The following VWF variants were observed in gnomAD, a reference collection of about 807,000 sequenced individuals.
The protein encoded by VWF is von Willebrand factor, also known as Factor VIII related antigen.
A neutral mutation model predicts 308.6 loss-of-function variants in VWF; 176 were observed. That is an observed-to-expected ratio of 0.57 (90% CI 0.50 to 0.65). The LOEUF is 0.65. Ranked by LOEUF, VWF falls within the 30% of genes least tolerant of loss-of-function variation. VWF has a pLI of 0.00. For synonymous variants in VWF, 1,385 were observed against 1,443.4 expected (o/e 0.96, Z 0.92); for missense variants, 3,146 against 3,648.2 (o/e 0.86, Z 3.55).
rs548527763 is a variant in VWF, at chr12:6,085,461, G to A, written c.658-9910C>T. ...AACATCTCAGTGAATATGCACTTATGGGCACCATCAGATTCTTGTCCATTC... is the reference window on the plus strand; with the variant it reads ...AACATCTCAGTGAATATGCACTTATAGGCACCATCAGATTCTTGTCCATTC... On this transcript the variant is annotated intron_variant, in intron 6 of 51. Coordinates refer to ENST00000261405, the MANE Select transcript of VWF (RefSeq NM_000552.5). Among the ~76,000 whole-genome samples the A allele has an allele frequency of 2.4e-4, 36 of 152,212 alleles. 1 individual carries two copies. In the South Asian group the frequency reaches 6.6e-3, roughly 28 times the overall value.
chr12:6,084,122 C>T (rs755392556), intron 6 of VWF, among the ~76,000 whole-genome samples: 2 of 152,222 alleles, frequency 1.3e-5, no homozygotes, highest in Non-Finnish European at 2.9e-5. Flanking sequence ...TCCTAACTGA[C>T]ACAGACAGCA....
intron 23 of VWF, 64 bp downstream of exon 23, chr12:6,025,842 G>C: frequency 6.2e-7 from 1 of 1,612,488 alleles, no homozygotes; most frequent in Non-Finnish European, 8.5e-7. Flanking sequence ...CATGACAATG[G>C]GGACAGAGGG....
Position 5,966,137 on chromosome 12 carries a change from T to A in VWF, c.7887+1349A>T, listed in dbSNP as rs563034574. 3.9e-5 allele frequency among the ~76,000 whole-genome samples: 6 copies of A among 151,944 alleles called. 1 individual carries two copies. Among genetic ancestry groups the A allele is most frequent in the Admixed American group, 3.9e-4 (6 of 15,276 alleles). ...CCGTCTCCACAGGCTGGCATTGAGG[T>A]GGGCGGCCTGCTGTCTCCTGACTGC... On this transcript the variant is annotated intron_variant, in intron 47 of 51. Coordinates refer to ENST00000261405, the MANE Select transcript of VWF (RefSeq NM_000552.5).
Position 6,121,319 on chromosome 12 carries a change from T to C in VWF, c.75A>G (p.Gly25=). The C allele has an allele frequency of 6.2e-7, 1 of 1,614,140 alleles. No individual in the cohort carries two copies. Among genetic ancestry groups the C allele is most frequent in the Non-Finnish European group, 8.5e-7 (1 of 1,180,022 alleles). ...GGGCCGTGGATGACCTGCCGCGAGT[T>C]CCTTCTGCACAAAGGGTCCCTGGAG... ...LILPGTLCAE[G]TRGRSSTARC... Residue 25 remains glycine (G), a synonymous_variant, in exon 3 of 52, where the codon GGA becomes GGG. Transcript: ENST00000261405.
intron 5 of VWF, among the ~76,000 whole-genome samples, chr12:6,109,708 C>T (rs1412341711): frequency 2.6e-5 from 4 of 151,914 alleles, no homozygotes; most frequent in East Asian, 1.9e-4. Context: ...TGGAGTGAAG[C>T]GGCACGATCA....
At chr12:5,998,323 CCCAA>C in intron 34 of VWF, among the ~76,000 whole-genome samples, 2 of 150,632 alleles carry the variant, frequency 1.3e-5, no homozygotes, top group Non-Finnish European at 3.0e-5. Flanking sequence ...ATGGTGAAAC[CCCAA>C]CTCTACTAAA....
intron 34 of VWF, among the ~76,000 whole-genome samples, chr12:6,004,049 C>T (rs1249021457): frequency 1.3e-5 from 2 of 151,896 alleles, no homozygotes; most frequent in Admixed American, 1.3e-4. Context: ...AATCTCCTGA[C>T]CTCATTCATG....
chr12:6,011,104 C>G (rs1943988131), intron 34 of VWF, among the ~76,000 whole-genome samples: 1 of 152,158 alleles, frequency 6.6e-6, no homozygotes, highest in African/African-American at 2.4e-5. Context: ...AGTCATTGCT[C>G]CCAAACATGA....
chr12:6,117,810 C>T (rs7961844), intron 3 of VWF, among the ~76,000 whole-genome samples: 78,336 of 151,932 alleles, frequency 0.52, 21,264 homozygotes, highest in Non-Finnish European at 0.63. Context: ...ACAACACGAG[C>T]GAGATTCCAT....
chr12:6,084,219 T>C (rs1944945614), intron 6 of VWF, among the ~76,000 whole-genome samples: 1 of 152,234 alleles, frequency 6.6e-6, no homozygotes, highest in African/African-American at 2.4e-5. Flanking sequence ...CTATTCTCAT[T>C]TGCCTGCAAT....
intron 13 of VWF, among the ~76,000 whole-genome samples, chr12:6,062,529 A>C (rs1944665579): frequency 1.3e-5 from 2 of 151,840 alleles, no homozygotes; most frequent in Admixed American, 1.3e-4. Context: ...CCAGGGGAAG[A>C]ATCTGGTGGT....
intron 47 of VWF, among the ~76,000 whole-genome samples, chr12:5,959,564 T>C (rs974293548): frequency 6.6e-6 from 1 of 152,056 alleles, no homozygotes; most frequent in African/African-American, 2.4e-5. Context: ...ACAGACCAAA[T>C]TGTGGGCCAT....
chr12:6,011,820 G>A, intron 33 of VWF, 26 bp from the exon 34 acceptor site: 2 of 1,561,824 alleles, frequency 1.3e-6, no homozygotes, highest in Non-Finnish European at 1.8e-6. Flanking sequence ...GCAGATTCAG[G>A]CAGGGAATAA....
rs758657154 is a variant in VWF, at chr12:6,075,399, C to T, written c.810G>A (p.Glu270=). 1.5e-5 allele frequency: 25 copies of T among 1,614,000 alleles called. No individual in the cohort carries two copies. In the East Asian group the frequency reaches 5.1e-4, roughly 33 times the overall value. Residue 270 remains glutamate (E), a synonymous_variant, in exon 7 of 52, where the codon GAG becomes GAA. Coordinates refer to ENST00000261405, the MANE Select transcript of VWF (RefSeq NM_000552.5). The surrounding 1 kb of genome is among the most constrained non-coding windows in gnomAD (Gnocchi z 4.7). ...CCTCCTGGGCACAGGTCCGGGCGTA[C>T]TCCAGGAGGGCAGGGCAGGCGCACT... ...GLECACPALL[E]YARTCAQEGM...
chr12:6,120,347 A>T (rs1945416075), intron 3 of VWF, among the ~76,000 whole-genome samples: 1 of 149,436 alleles, frequency 6.7e-6, no homozygotes, highest in Non-Finnish European at 1.5e-5. Context: ...TTTGAGATGG[A>T]GTCTCGCTCT....
At chr12:5,951,350 G>A (rs1183391610) in intron 50 of VWF, among the ~76,000 whole-genome samples, 2 of 152,158 alleles carry the variant, frequency 1.3e-5, no homozygotes, top group Non-Finnish European at 1.5e-5. Context: ...CAGCACATGT[G>A]GGCTGTTGTC....
intron 43 of VWF, among the ~76,000 whole-genome samples, chr12:5,973,206 T>G (rs1943496070): frequency 6.6e-6 from 1 of 152,214 alleles, no homozygotes; most frequent in African/African-American, 2.4e-5. Flanking sequence ...TTTTCAATTC[T>G]TTATTTTCCC....
At chr12:6,054,163 G>C (rs1225932778) in intron 15 of VWF, among the ~76,000 whole-genome samples, 2 of 152,234 alleles carry the variant, frequency 1.3e-5, no homozygotes, top group Non-Finnish European at 2.9e-5. Context: ...CCGTGAGCCT[G>C]AACAATGGAG....
At chr12:5,971,741 G>C in intron 43 of VWF, 32 bp from the exon 44 acceptor site, 2 of 1,593,338 alleles carry the variant, frequency 1.3e-6, no homozygotes, top group Middle Eastern at 1.7e-4. Context: ...AGTAAGGACA[G>C]GCCAGCAGCA....
Sources: gnomAD v4.1 joint callset for allele counts (sites outside exome capture counted in the v4.1 genomes callset) on GRCh38, gnomAD v4.1.1 for gene constraint, Gnocchi (gnomAD v3.1) non-coding constraint, MANE v1.5 for transcripts, NCBI Gene and HGNC (gene_info 2026-07-23, HGNC 2026-07-21) for gene names.